Variants in VPS35L observed in about 807,000 individuals in gnomAD.
The protein encoded by VPS35L is VPS35 endosomal protein sorting factor like.
Under a neutral mutation model 133.0 loss-of-function variants are expected in VPS35L, and 83 were observed. The observed-to-expected ratio is 0.62, with a 90% CI of 0.52 to 0.75. The LOEUF (loss-of-function observed/expected upper bound fraction) is 0.75. Among genes scored for constraint, VPS35L ranks in the 30% least tolerant of loss-of-function variants. The probability of loss-of-function intolerance (pLI) is 0.00; values close to 1 mark genes in which losing one functional copy is unlikely to be tolerated. For missense variants in VPS35L, 1,083 were observed against 1,206.8 expected (o/e 0.90, Z 1.52); for synonymous variants, 423 against 449.9 (o/e 0.94, Z 0.76).
At chr16:19,571,020 C>T (rs909529462) in intron 3 of VPS35L, among the ~76,000 whole-genome samples, 5 of 150,702 alleles carry the variant, frequency 3.3e-5, no homozygotes, top group Admixed American at 6.6e-5. Context: ...ACTACAGGCA[C>T]GTGCCACCAT....
intron 27 of VPS35L, among the ~76,000 whole-genome samples, chr16:19,671,505 G>C (rs559876673): frequency 4.6e-4 from 67 of 147,030 alleles, no homozygotes; most frequent in African/African-American, 1.6e-3. Context: ...GGCCAGGCAT[G>C]ATGGCTCACT....
At position 19,608,978 on chromosome 16, in the gene VPS35L, G is replaced by A. The variant is rs1019626842; in HGVS notation, c.886G>A (p.Val296Met). ...SIRELIPRFY[V>M]EASILKCNKF... Reference sequence around the variant, plus strand: ...CTTAACAGGATGTTTTTGTAGTTACGTGGAGGCATCCATCCTGAAATGTAA... The same window carrying A: ...CTTAACAGGATGTTTTTGTAGTTACATGGAGGCATCCATCCTGAAATGTAA... Residue 296 changes from valine (V) to methionine (M), a missense_variant, in exon 11 of 31, where the codon GTG (valine) becomes ATG (methionine). Physicochemically the swap from Val to Met is conservative, Grantham distance 21 (BLOSUM62 1). Coordinates refer to ENST00000417362, the MANE Select transcript of VPS35L (RefSeq NM_020314.7). 17 of 1,613,580 alleles carry A rather than the reference G, an allele frequency of 1.1e-5. No individual in the cohort carries two copies. Among genetic ancestry groups the A allele is most frequent in the South Asian group, 2.2e-5 (2 of 91,090 alleles).
intron 24 of VPS35L, among the ~76,000 whole-genome samples, chr16:19,648,311 T>A (rs977392719): frequency 3.9e-5 from 6 of 152,190 alleles, no homozygotes; most frequent in Admixed American, 6.5e-5. Context: ...TTCTCTATGG[T>A]ATGAAAGGTG....
At chr16:19,690,978 A>G (rs1285040461) in intron 28 of VPS35L, among the ~76,000 whole-genome samples, 1 of 151,958 alleles carries the variant, frequency 6.6e-6, no homozygotes, top group Non-Finnish European at 1.5e-5. Flanking sequence ...AAAAAAAGAA[A>G]AGAAAAGAAA....
chr16:19,684,758 T>G (rs551788085), intron 28 of VPS35L, among the ~76,000 whole-genome samples: 1 of 152,270 alleles, frequency 6.6e-6, no homozygotes, highest in East Asian at 1.9e-4. Context: ...CTTTGTTGAT[T>G]ACAAAATAAC....
chr16:19,678,402 G>C (rs1975136291), intron 27 of VPS35L, among the ~76,000 whole-genome samples: 1 of 150,294 alleles, frequency 6.7e-6, no homozygotes, highest in African/African-American at 2.5e-5. Context: ...TCTGAATCCA[G>C]AACCGTTTTC....
intron 7 of VPS35L, among the ~76,000 whole-genome samples, chr16:19,587,715 C>T (rs1971914209): frequency 6.6e-6 from 1 of 151,458 alleles, no homozygotes; most frequent in Admixed American, 6.6e-5. Context: ...ATCAATCGAC[C>T]ATAAATGTAA....
chr16:19,663,357 A>T (rs2188700), intron 26 of VPS35L, among the ~76,000 whole-genome samples: 52,936 of 151,912 alleles, frequency 0.35, 9,439 homozygotes, highest in African/African-American at 0.37. Flanking sequence ...AAGTGAAAAA[A>T]TTGGTGTCCA....
chr16:19,682,127 C>T (rs946178888), intron 27 of VPS35L, 98 bp from the exon 28 acceptor site: 10 of 1,348,880 alleles, frequency 7.4e-6, no homozygotes, highest in Admixed American at 2.0e-5. Flanking sequence ...AATTTCTCTA[C>T]AGCTGCTGCG....
intron 14 of VPS35L, among the ~76,000 whole-genome samples, chr16:19,619,593 T>C (rs1973012387): frequency 6.6e-6 from 1 of 151,816 alleles, no homozygotes; most frequent in Non-Finnish European, 1.5e-5. Flanking sequence ...AAAGGCAAAA[T>C]CAGATTAAAA....
At chr16:19,580,883 A>T (rs996290373) in intron 6 of VPS35L, among the ~76,000 whole-genome samples, 1 of 152,080 alleles carries the variant, frequency 6.6e-6, no homozygotes, top group Non-Finnish European at 1.5e-5. Context: ...AAATTGGGGT[A>T]TATGTTCCTC....
intron 1 of VPS35L, among the ~76,000 whole-genome samples, chr16:19,558,776 C>G (rs1158407403): frequency 6.6e-6 from 1 of 151,590 alleles, no homozygotes; most frequent in African/African-American, 2.4e-5. Context: ...AAAAAAAATT[C>G]CTCAGGCGTG....
chr16:19,581,633 G>A lies in VPS35L; in HGVS notation c.619G>A (p.Ala207Thr), dbSNP rs1236266625. Residue 207 changes from alanine to threonine, a missense_variant, in exon 7 of 31, where the codon GCT (alanine) becomes ACT (threonine). By Grantham distance (58) the Ala-to-Thr change is moderately conservative. Transcript: ENST00000417362. ...DAWASDQKVKALKIVIQCSKL... is the reference protein window; with the variant it reads ...DAWASDQKVKTLKIVIQCSKL... ...CTGGGCCTCAGACCAGAAAGTGAAG[G>A]CTCTAAAAATAGTCATCCAGGTTAG... 1 of 1,614,038 alleles carries A rather than the reference G, an allele frequency of 6.2e-7. No homozygotes were observed. Among genetic ancestry groups the A allele is most frequent in the Non-Finnish European group, 8.5e-7 (1 of 1,180,018 alleles).
Position 19,691,492 on chromosome 16 carries a change from T to A in VPS35L, c.2646+21T>A, listed in dbSNP as rs569240230. 1.3e-5 allele frequency: 21 copies of A among 1,574,708 alleles called. No individual in the cohort carries two copies. The African/African-American group carries it at 1.8e-4, about 13-fold the overall frequency. On this transcript the variant is annotated intron_variant, in intron 29 of 30. Coordinates refer to ENST00000417362, the MANE Select transcript of VPS35L (RefSeq NM_020314.7). ...ACGAGGTGGGTGCCCTCTGCTGTCC[T>A]CCACCCGCCCCTTGCTCTGAAAGCA...
chr16:19,673,352 C>T (rs986352399), intron 27 of VPS35L, among the ~76,000 whole-genome samples: 5 of 152,308 alleles, frequency 3.3e-5, no homozygotes, highest in Admixed American at 1.3e-4. Context: ...ACGTGGGGCC[C>T]GCATCCTGCG....
intron 26 of VPS35L, among the ~76,000 whole-genome samples, chr16:19,658,841 T>C (rs1019365431): frequency 1.3e-5 from 2 of 152,094 alleles, no homozygotes; most frequent in African/African-American, 2.4e-5. Context: ...GTTAAGGTGA[T>C]AGTTGAGGGC....
chr16:19,607,077 G>A (rs755798296), intron 9 of VPS35L, among the ~76,000 whole-genome samples: 2 of 152,182 alleles, frequency 1.3e-5, no homozygotes, highest in Non-Finnish European at 2.9e-5. Flanking sequence ...TGTAAGTTTT[G>A]TGTTTTTTCT....
rs995608350 is a variant in VPS35L at position 19,700,677 on chromosome 16, T to A, written c.*201T>A. 3.6e-6 allele frequency: 2 copies of A among 558,472 alleles called. No individual in the cohort carries two copies. Among genetic ancestry groups the A allele is most frequent in the African/African-American group, 1.9e-5 (1 of 53,426 alleles). The allele number at this position is 558,472 out of a possible 1,614,324, so 34.6% of individuals were successfully genotyped here. A position where few individuals can be genotyped will look rare whatever the true frequency, so the allele number is the denominator to read the frequency against. On this transcript the variant is annotated 3_prime_UTR_variant, in exon 31 of 31. Transcript: ENST00000417362. ...GAGTTGTCAGAGCATTAAAATGCAATCTTCACTAAGAAGCAGTCTCTGTGT... is the reference window on the plus strand; with the variant it reads ...GAGTTGTCAGAGCATTAAAATGCAAACTTCACTAAGAAGCAGTCTCTGTGT...
At chr16:19,570,852 TA>T (rs1971345544) in intron 3 of VPS35L, among the ~76,000 whole-genome samples, 2 of 26,202 alleles carry the variant, frequency 7.6e-5, no homozygotes, top group South Asian at 2.2e-3. Flanking sequence ...TATATATATA[TA>T]TATATATATA....
Sources: gnomAD v4.1 joint callset for allele counts (sites outside exome capture counted in the v4.1 genomes callset) on GRCh38, gnomAD v4.1.1 for gene constraint, MANE v1.5 for transcripts, NCBI Gene and HGNC (gene_info 2026-07-23, HGNC 2026-07-21) for gene names.